Variants in MXRA5 observed in about 807,000 individuals in gnomAD.
MXRA5 encodes matrix remodeling associated 5, also known as matrix-remodeling-associated protein 5.
MXRA5 carries 41 observed loss-of-function variants against 112.5 expected under a neutral mutation model. The observed-to-expected ratio is 0.36, with a 90% CI of 0.28 to 0.47. The LOEUF (loss-of-function observed/expected upper bound fraction) is 0.47, where lower values mean the gene tolerates loss of function less well. MXRA5 is among the 20% of genes least tolerant of loss of function. The probability of loss-of-function intolerance (pLI) is 0.99; values close to 1 mark genes in which losing one functional copy is unlikely to be tolerated. For missense variants in MXRA5, 2,150 were observed against 2,251.0 expected (o/e 0.96, Z 0.91); for synonymous variants, 862 against 900.8 (o/e 0.96, Z 0.77).
rs751557450 is a variant in MXRA5 at position 3,330,316 on chromosome X, G to A, written c.411C>T (p.Asn137=). The change falls in exon 4 of 7, where the codon AAC becomes AAT. Residue 137 remains asparagine (N), a synonymous_variant. Transcript: ENST00000217939. ...SNLMRLHIDH[N]KIEFIHPQAF... ...CTTGAGGGTGGATAAACTCGATCTT[G>A]TTGTGGTCAATGTGCAGCCTCATTA... is the stretch of plus-strand genomic sequence containing the variant. The A allele has an allele frequency of 4.1e-6, 5 of 1,211,228 alleles. No individual in the cohort carries two copies. Among genetic ancestry groups the A allele is most frequent in the Non-Finnish European group, 5.6e-6 (5 of 895,221 alleles).
Position 3,322,419 on chromosome X carries a change from T to C in MXRA5, c.3266A>G (p.Glu1089Gly), listed in dbSNP as rs1921336863. The C allele has an allele frequency of 1.7e-6, 2 of 1,209,581 alleles. No individual in the cohort carries two copies. The highest frequency in any genetic ancestry group is 1.8e-5 in the African/African-American group (1 of 57,065). ...GTCAGGCAAAGTGATGGATTTGCTC[T>C]CTTGGCCCTCACTCTCAGAACTTCT... Reference protein sequence around the residue: ...HSRSSESEGQESKSITLPDST... With the variant: ...HSRSSESEGQGSKSITLPDST... Residue 1089 changes from glutamate (E) to glycine (G), a missense_variant, in exon 5 of 7, where the codon GAG (glutamate) becomes GGG (glycine). Physicochemically the swap from Glu to Gly is moderately conservative, Grantham distance 98. This residue lies in a region of MXRA5 where 1,485 missense variants were observed against 1,471.6 expected (regional missense o/e 1.01). Transcript: ENST00000217939.
chrX:3,317,003 G>T, intron 6 of MXRA5, 100 bp downstream of exon 6: 1 of 897,448 alleles, frequency 1.1e-6, no homozygotes, highest in Non-Finnish European at 1.5e-6. Context: ...TTTATCGGAC[G>T]CAGGGAGCAA....
At chrX:3,336,245 C>T (rs1427584143) in intron 2 of MXRA5, among the ~76,000 whole-genome samples, 2 of 111,614 alleles carry the variant, frequency 1.8e-5, no homozygotes, top group African/African-American at 6.5e-5. Flanking sequence ...AAAATAAGCT[C>T]AGGGCTCCCA....
At position 3,310,801 on chromosome X, in the gene MXRA5, C is replaced by T. The variant is rs2146913683; in HGVS notation, c.7402G>A (p.Ala2468Thr). The change falls in exon 7 of 7, where the codon GCT (alanine) becomes ACT (threonine). Residue 2468 changes from alanine to threonine, a missense_variant. Ala to Thr is a moderately conservative substitution (Grantham distance 58). This residue lies in a region of MXRA5 where 93 missense variants were observed against 135.5 expected (regional missense o/e 0.69). Transcript: ENST00000217939. Reference protein sequence around the residue: ...GGSRKLIDCKAEGIPTPRVLW... With the variant: ...GGSRKLIDCKTEGIPTPRVLW... The stretch of plus-strand genomic sequence containing the variant: ...ACCCTCGGGGTGGGGATGCCTTCAG[C>T]TTTGCAGTCAATCAGTTTCCGACTG... The T allele has an allele frequency of 8.3e-7, 1 of 1,208,927 alleles. No individual in the cohort carries two copies.
chrX:3,338,376 G>C (rs1264426790), intron 2 of MXRA5, among the ~76,000 whole-genome samples: 1 of 110,933 alleles, frequency 9.0e-6, no homozygotes, highest in Non-Finnish European at 1.9e-5. Flanking sequence ...ATGATAAATA[G>C]ATAGATAGAT....
chrX:3,315,520 G>T (rs1237944614), intron 6 of MXRA5, among the ~76,000 whole-genome samples: 2 of 108,556 alleles, frequency 1.8e-5, no homozygotes, highest in Non-Finnish European at 3.8e-5. Context: ...GCACTGCAGG[G>T]TGTTGAGCAC....
intron 5 of MXRA5, 125 bp from the exon 6 acceptor site, chrX:3,318,128 G>A: frequency 5.7e-6 from 3 of 528,549 alleles, no homozygotes; most frequent in South Asian, 4.6e-5. Context: ...AATGTAGTAG[G>A]TAGAATGTTT....
Position 3,321,736 on chromosome X carries a change from A to G in MXRA5, c.3949T>C (p.Tyr1317His), listed in dbSNP as rs185993867. The G allele has an allele frequency of 1.2e-4, 142 of 1,209,445 alleles. 1 individual carries two copies. In the East Asian group the frequency reaches 3.1e-3, roughly 26 times the overall value. ...PKVQETLPVT[Y>H]KPTSDGKEIK... ...TCTTTTCCATCTGATGTGGGTTTAT[A>G]TGTGACTGGAAGTGTCTCTTGGACT... is the stretch of plus-strand genomic sequence containing the variant. The change falls in exon 5 of 7, where the codon TAT becomes CAT. Residue 1317 changes from tyrosine to histidine, a missense_variant. Tyr to His is a moderately conservative substitution (Grantham distance 83, BLOSUM62 2). This residue lies in a region of MXRA5 where 1,485 missense variants were observed against 1,471.6 expected (regional missense o/e 1.01). Transcript: ENST00000217939.
chrX:3,321,885 T>A lies in MXRA5; in HGVS notation c.3800A>T (p.Asn1267Ile), dbSNP rs1267333342. The part of the protein sequence containing the change: ...PSPSPENKHR[N>I]IVTPSSETIL... Reference sequence around the variant, plus strand: ...AGTTTCTGAACTGGGAGTAACAATGTTTCTATGTTTATTTTCTGGAGAAGG... The same window carrying A: ...AGTTTCTGAACTGGGAGTAACAATGATTCTATGTTTATTTTCTGGAGAAGG... Residue 1267 changes from asparagine (N) to isoleucine (I), a missense_variant, in exon 5 of 7, where the codon AAC (asparagine) becomes ATC (isoleucine). Physicochemically the swap from Asn to Ile is moderately radical, Grantham distance 149. This residue lies in a region of MXRA5 where 1,485 missense variants were observed against 1,471.6 expected (regional missense o/e 1.01). Coordinates refer to ENST00000217939, the MANE Select transcript of MXRA5 (RefSeq NM_015419.4). 1 of 1,210,831 alleles carries A rather than the reference T, an allele frequency of 8.3e-7. No homozygotes were observed. The highest frequency in any genetic ancestry group is 2.2e-5 in the Admixed American group (1 of 45,930).
rs774526774 is a variant in MXRA5 at position 3,322,678 on chromosome X, G to C, written c.3007C>G (p.Pro1003Ala). 5 of 1,211,538 alleles carry C rather than the reference G, an allele frequency of 4.1e-6. No homozygotes were observed. The South Asian group carries it at 7.0e-5, about 17-fold the overall frequency. Residue 1003 changes from proline to alanine, a missense_variant, in exon 5 of 7, where the codon CCA becomes GCA. Around this residue, in one of 6 missense-constraint regions of MXRA5, gnomAD observed 1,485 missense variants for 1,471.6 expected, o/e 1.01. Transcript: ENST00000217939. Reference protein sequence around the residue: ...MKEDTFAHLTPTPTIWVNDSS... With the variant: ...MKEDTFAHLTATPTIWVNDSS... ...TCATTAACCCAGATGGTGGGGGTTGGAGTAAGGTGTGCAAAGGTGTCTTCT... is the reference window on the plus strand; with the variant it reads ...TCATTAACCCAGATGGTGGGGGTTGCAGTAAGGTGTGCAAAGGTGTCTTCT...
chrX:3,329,308 G>GGAAGGAAAAAAGAAGGAAGGAAT (rs1555946046), intron 4 of MXRA5, among the ~76,000 whole-genome samples: 2,272 of 36,076 alleles, frequency 0.063, 148 homozygotes, highest in African/African-American at 0.15. Context: ...AAGGAAGGAA[G>GGAAGGAAAAAAGAAGGAAGGAAT]GAAGGAAAAA....
intron 2 of MXRA5, among the ~76,000 whole-genome samples, chrX:3,341,308 A>G (rs1344962943): frequency 4.2e-5 from 2 of 47,186 alleles, no homozygotes; most frequent in African/African-American, 1.5e-4. Context: ...TACATATTAT[A>G]TTATATATAA....
intron 4 of MXRA5, among the ~76,000 whole-genome samples, chrX:3,328,793 T>G (rs1435918174): frequency 0.015 from 574 of 39,204 alleles, no homozygotes; most frequent in Middle Eastern, 0.036. Context: ...GGAGGGAGAG[T>G]GAAGGGGGGA....
chrX:3,320,843 T>C lies in MXRA5; in HGVS notation c.4842A>G (p.Leu1614=), dbSNP rs769312608. The change falls in exon 5 of 7, where the codon CTA becomes CTG. Residue 1614 remains leucine (L), a synonymous_variant. Coordinates refer to ENST00000217939, the MANE Select transcript of MXRA5 (RefSeq NM_015419.4). The part of the protein sequence containing the change: ...QLTRVPAKPI[L]PTATVRLPEM... ...CAGGCAGCCTCACTGTTGCTGTTGG[T>C]AGGATGGGTTTGGCAGGGACTCTGG... 11 of 1,210,211 alleles carry C rather than the reference T, an allele frequency of 9.1e-6. No individual in the cohort carries two copies. The Admixed American group carries it at 1.1e-4, about 12-fold the overall frequency.
At position 3,317,746 on chromosome X, in the gene MXRA5, C is replaced by A. The variant is rs146622359; in HGVS notation, c.5935G>T (p.Ala1979Ser). 2 of 1,206,070 alleles carry A rather than the reference C, an allele frequency of 1.7e-6. No homozygotes were observed. Among genetic ancestry groups the A allele is most frequent in the Non-Finnish European group, 2.2e-6 (2 of 892,870 alleles). Residue 1979 changes from alanine (A) to serine (S), a missense_variant, in exon 6 of 7, where the codon GCC becomes TCC. Coordinates refer to ENST00000217939, the MANE Select transcript of MXRA5 (RefSeq NM_015419.4). ...AMECLAKGTP[A>S]PQISWIFPDR... ...GGGAAGATCCAGGAAATTTGGGGGG[C>A]TGGGGTCCCTTTGGCCAGACACTCC...
intron 2 of MXRA5, among the ~76,000 whole-genome samples, chrX:3,341,285 AAT>A (rs1158568178): frequency 4.1e-5 from 2 of 48,327 alleles, no homozygotes; most frequent in African/African-American, 7.5e-5. Context: ...ATATATAATT[AAT>A]ATATATAATA....
At chrX:3,326,168 T>G (rs56163544) in intron 4 of MXRA5, among the ~76,000 whole-genome samples, 527 of 2,223 alleles carry the variant, frequency 0.24, 8 homozygotes, top group Middle Eastern at 0.5. Flanking sequence ...ATAATTATAA[T>G]TTATAATATA....
At chrX:3,313,500 T>A (rs1921020116) in intron 6 of MXRA5, among the ~76,000 whole-genome samples, 1 of 111,704 alleles carries the variant, frequency 9.0e-6, no homozygotes, top group Admixed American at 9.5e-5. Context: ...CCTCAAGCAA[T>A]CCACCCACCT....
At chrX:3,345,488 G>C (rs1222119508) in intron 1 of MXRA5, among the ~76,000 whole-genome samples, 1 of 112,988 alleles carries the variant, frequency 8.9e-6, no homozygotes, top group Non-Finnish European at 1.9e-5. Flanking sequence ...GTGCCTGCGG[G>C]CGGACTTGGC....
Sources: allele counts gnomAD v4.1 joint callset (sites outside exome capture counted in the v4.1 genomes callset), GRCh38; gene constraint gnomAD v4.1.1; regional missense constraint gnomAD v4.1.1; transcripts MANE v1.5; gene names NCBI Gene and HGNC (gene_info 2026-07-23, HGNC 2026-07-21).